BMPR1B: variants seen among roughly 807,000 people sequenced by gnomAD.
BMPR1B encodes bone morphogenetic protein receptor type 1B.
A neutral mutation model predicts 59.1 loss-of-function variants in BMPR1B; 12 were observed. The ratio of observed to expected loss-of-function variants is 0.20; its 90% confidence interval spans 0.13 to 0.33. The LOEUF (loss-of-function observed/expected upper bound fraction) is 0.33. BMPR1B is among the 10% of genes least tolerant of loss of function. The pLI, the probability that BMPR1B is intolerant of heterozygous loss-of-function variation, is 1.00. For missense variants in BMPR1B, 550 were observed against 610.9 expected (o/e 0.90, Z 1.05); for synonymous variants, 237 against 207.3 (o/e 1.14, Z -1.23).
intron 6 of BMPR1B, among the ~76,000 whole-genome samples, chr4:95,119,091 A>G (rs978832230): frequency 1.6e-4 from 24 of 152,240 alleles, no homozygotes; most frequent in Non-Finnish European, 2.9e-4. Flanking sequence ...TAGTAAAATT[A>G]TATCATTGGA....
chr4:94,872,813 G>A (rs1726555496), intron 1 of BMPR1B, among the ~76,000 whole-genome samples: 1 of 152,202 alleles, frequency 6.6e-6, no homozygotes, highest in Admixed American at 6.5e-5. Context: ...CTTACATAAT[G>A]CTTTCTGTGA....
intron 3 of BMPR1B, among the ~76,000 whole-genome samples, chr4:95,098,035 G>A (rs1445782111): frequency 6.6e-6 from 1 of 151,988 alleles, no homozygotes; most frequent in Non-Finnish European, 1.5e-5. Context: ...TCAACTAAAT[G>A]TATCTTTTAT....
intron 10 of BMPR1B, among the ~76,000 whole-genome samples, chr4:95,138,311 C>A (rs560650487): frequency 2.0e-4 from 31 of 152,220 alleles, no homozygotes; most frequent in Admixed American, 4.6e-4. Flanking sequence ...TGTGGCTAAC[C>A]CGACCTTTCT....
intron 2 of BMPR1B, among the ~76,000 whole-genome samples, chr4:94,919,982 A>T (rs900819984): frequency 2.6e-5 from 4 of 152,134 alleles, no homozygotes; most frequent in Non-Finnish European, 5.9e-5. Context: ...GTGAATATTA[A>T]TAATTCTCCT....
intron 1 of BMPR1B, among the ~76,000 whole-genome samples, chr4:94,798,561 C>T (rs374072632): frequency 3.3e-4 from 50 of 152,280 alleles, no homozygotes; most frequent in Non-Finnish European, 7.1e-4. Context: ...CTTGCTCCCA[C>T]GGACGTTTAC....
At chr4:94,794,339 C>T (rs540812150) in intron 1 of BMPR1B, among the ~76,000 whole-genome samples, 26 of 151,744 alleles carry the variant, frequency 1.7e-4, no homozygotes, top group East Asian at 3.9e-4. Context: ...AGATATGTGG[C>T]GTTATTTCTG....
chr4:95,142,557 G>A (rs559521430), intron 10 of BMPR1B, among the ~76,000 whole-genome samples: 15 of 151,720 alleles, frequency 9.9e-5, no homozygotes, highest in South Asian at 2.1e-4. Context: ...TGTCTATTAC[G>A]TTTTTTTACC....
chr4:94,984,648 A>T (rs1721293134), intron 2 of BMPR1B, among the ~76,000 whole-genome samples: 1 of 152,204 alleles, frequency 6.6e-6, no homozygotes, highest in Non-Finnish European at 1.5e-5. Context: ...TCGTGTTTTT[A>T]AAAATTACAC....
At chr4:95,056,013 C>A (rs1474953546) in intron 3 of BMPR1B, among the ~76,000 whole-genome samples, 1 of 152,128 alleles carries the variant, frequency 6.6e-6, no homozygotes, top group Non-Finnish European at 1.5e-5. Flanking sequence ...ATGAATTCTT[C>A]CCCCAACTTT....
chr4:94,850,696 C>A (rs6828538), intron 1 of BMPR1B, among the ~76,000 whole-genome samples: 92,469 of 151,956 alleles, frequency 0.61, 29,009 homozygotes, highest in African/African-American at 0.76. Flanking sequence ...TCAGTGGTAC[C>A]TCTGAGTGTA....
chr4:95,104,349 A>G, intron 3 of BMPR1B, 59 bp from the exon 4 acceptor site: 1 of 1,571,746 alleles, frequency 6.4e-7, no homozygotes, highest in South Asian at 1.1e-5. Flanking sequence ...TTTCGTTTGA[A>G]CAGAAGACTG....
chr4:94,995,074 A>C (rs2149101921), intron 2 of BMPR1B, among the ~76,000 whole-genome samples: 1 of 152,272 alleles, frequency 6.6e-6, no homozygotes, highest in Admixed American at 6.5e-5. Context: ...AGAAGTAAAA[A>C]ATATGGGCTG....
chr4:95,152,510 T>A (rs1160805082), intron 11 of BMPR1B, 133 bp from the exon 12 acceptor site: 3 of 702,346 alleles, frequency 4.3e-6, no homozygotes, highest in African/African-American at 3.7e-5. Flanking sequence ...TTTCAAGATT[T>A]ATTTTGCTAT....
chr4:95,066,424 G>T lies in BMPR1B; in HGVS notation c.-17-37984G>T, dbSNP rs184106998. 5.1e-4 allele frequency among the ~76,000 whole-genome samples: 77 copies of T among 152,330 alleles called. 1 individual carries two copies. The highest frequency in any genetic ancestry group is 1.4e-3 in the East Asian group (7 of 5,180). On this transcript the variant is annotated intron_variant, in intron 3 of 12. Transcript: ENST00000515059. The stretch of plus-strand genomic sequence containing the variant: ...AGGGCCTTGAGGTTTGTTTGTTGTG[G>T]TATTAATAACATATGATGGCAAAGA...
At chr4:94,953,360 G>A (rs981484661) in intron 2 of BMPR1B, among the ~76,000 whole-genome samples, 5 of 152,068 alleles carry the variant, frequency 3.3e-5, no homozygotes, top group African/African-American at 9.7e-5. Flanking sequence ...TAGTGTCGAC[G>A]GTCTTTACAT....
chr4:94,826,474 T>C (rs1560502875), intron 1 of BMPR1B, among the ~76,000 whole-genome samples: 1 of 152,210 alleles, frequency 6.6e-6, no homozygotes, highest in Non-Finnish European at 1.5e-5. Context: ...TGCTCTCACT[T>C]GTTTAAGTCA....
chr4:95,024,788 C>T (rs1400368676), intron 3 of BMPR1B, among the ~76,000 whole-genome samples: 1 of 152,070 alleles, frequency 6.6e-6, no homozygotes, highest in Non-Finnish European at 1.5e-5. Flanking sequence ...TTAGGATTGT[C>T]ATGGAACTGA....
chr4:94,781,926 C>T (rs73835797), intron 1 of BMPR1B, among the ~76,000 whole-genome samples: 5,845 of 152,028 alleles, frequency 0.038, 192 homozygotes, highest in African/African-American at 0.089. Context: ...TCAAAATACT[C>T]TCTTTTTGTC....
intron 11 of BMPR1B, among the ~76,000 whole-genome samples, chr4:95,152,406 GGAAA>G (rs1735108684): frequency 6.6e-6 from 1 of 152,094 alleles, no homozygotes; most frequent in Non-Finnish European, 1.5e-5. Context: ...TTGGAAATTA[GGAAA>G]GAAAGGCTTG....
Sources: allele counts gnomAD v4.1 joint callset (sites outside exome capture counted in the v4.1 genomes callset), GRCh38; gene constraint gnomAD v4.1.1; transcripts MANE v1.5; gene names NCBI Gene and HGNC (gene_info 2026-07-23, HGNC 2026-07-21).